COL5A1: variants seen among roughly 807,000 people sequenced by gnomAD.
The protein encoded by COL5A1 is collagen type V alpha 1 chain.
COL5A1 carries 16 observed loss-of-function variants against 263.7 expected under a neutral mutation model. The observed-to-expected ratio is 0.06, with a 90% CI of 0.04 to 0.09. COL5A1 has a LOEUF of 0.09. Ranked by LOEUF, COL5A1 falls within the 10% of genes least tolerant of loss-of-function variation. The pLI, the probability that COL5A1 is intolerant of heterozygous loss-of-function variation, is 1.00. For synonymous variants in COL5A1, 1,012 were observed against 1,004.5 expected (o/e 1.01, Z -0.14); for missense variants, 2,036 against 2,540.5 (o/e 0.80, Z 4.27).
intron 12 of COL5A1, 78 bp downstream of exon 12, chr9:134,750,694 T>C: frequency 6.3e-7 from 1 of 1,595,560 alleles, no homozygotes; most frequent in Admixed American, 1.7e-5. Context: ...GAGGCTGCGC[T>C]GTCACTGGAG....
Position 134,653,573 on chromosome 9 carries a change from C to T in COL5A1, c.109+11277C>T, listed in dbSNP as rs553748185. 2.2e-3 allele frequency: 329 copies of T among 152,772 alleles called. 1 individual carries two copies. Among genetic ancestry groups the T allele is most frequent in the Middle Eastern group, 3.3e-3 (1 of 300 alleles). The allele number at this position is 152,772 out of a possible 1,614,324, so 9.5% of individuals were successfully genotyped here. ...CCGTCTGTGCGTCTCCCAAGGGCGC[C>T]CCCCTCACCCAGACCTCCCCTCCAT... On this transcript the variant is annotated intron_variant, in intron 1 of 65. Coordinates refer to ENST00000371817, the MANE Select transcript of COL5A1 (RefSeq NM_000093.5).
Position 134,765,869 on chromosome 9 carries a change from A to T in COL5A1, c.2088+135A>T. 1 of 706,220 alleles carries T rather than the reference A, an allele frequency of 1.4e-6. No homozygotes were observed. The highest frequency in any genetic ancestry group is 1.8e-5 in the South Asian group (1 of 55,880). The allele number at this position is 706,220 out of a possible 1,614,324, so 43.7% of individuals were successfully genotyped here. A position where few individuals can be genotyped will look rare whatever the true frequency, so the allele number is the denominator to read the frequency against. On this transcript the variant is annotated intron_variant, in intron 21 of 65. Coordinates refer to ENST00000371817, the MANE Select transcript of COL5A1 (RefSeq NM_000093.5). The surrounding 1 kb of genome is among the most constrained non-coding windows in gnomAD (Gnocchi z 5.1). ...CTGGCGCCTGCCTGCTGCCAGTGTG[A>T]GGCGTGAGCGGGACACTGATGTTCA...
intron 1 of COL5A1, among the ~76,000 whole-genome samples, chr9:134,650,775 A>T (rs1291674622): frequency 1.3e-5 from 2 of 152,250 alleles, no homozygotes; most frequent in African/African-American, 4.8e-5. Context: ...GCTCTTGTTC[A>T]TATTTTCATA....
At position 134,824,807 on chromosome 9, in the gene COL5A1, G is replaced by A. The variant is rs113452150; in HGVS notation, c.4906G>A (p.Ala1636Thr). 2.2e-4 allele frequency: 349 copies of A among 1,613,914 alleles called. 1 individual carries two copies. The African/African-American group carries it at 3.0e-3, about 14-fold the overall frequency. The part of the protein sequence containing the change: ...KRPLGTQQNP[A>T]RTCKDLQLCH... Reference sequence around the variant, plus strand: ...GCCCCTGGGCACGCAGCAGAACCCCGCCCGCACCTGCAAGGACCTGCAGCT... The same window carrying A: ...GCCCCTGGGCACGCAGCAGAACCCCACCCGCACCTGCAAGGACCTGCAGCT... Residue 1636 changes from alanine (A) to threonine (T), a missense_variant, in exon 62 of 66, where the codon GCC (alanine) becomes ACC (threonine). Physicochemically the swap from Ala to Thr is moderately conservative, Grantham distance 58 (BLOSUM62 0). Transcript: ENST00000371817.
At chr9:134,777,505 G>A (rs1354684775) in intron 27 of COL5A1, among the ~76,000 whole-genome samples, 1 of 152,232 alleles carries the variant, frequency 6.6e-6, no homozygotes, top group Non-Finnish European at 1.5e-5. Flanking sequence ...TGCTGGTTCT[G>A]TCTAGTTGGT....
chr9:134,712,117 C>G (rs573807223), intron 4 of COL5A1, among the ~76,000 whole-genome samples: 77 of 96,780 alleles, frequency 8.0e-4, no homozygotes, highest in African/African-American at 3.1e-3. Flanking sequence ...TTCCTTCCTT[C>G]CCCCTCCTTC....
chr9:134,654,025 A>G (rs1333814853), intron 1 of COL5A1, among the ~76,000 whole-genome samples: 45 of 36,190 alleles, frequency 1.2e-3, no homozygotes, highest in African/African-American at 1.7e-3. Flanking sequence ...GTAGGGCTGG[A>G]GTTGTGTAGA....
intron 1 of COL5A1, among the ~76,000 whole-genome samples, chr9:134,670,762 C>A (rs1832516213): frequency 6.6e-6 from 1 of 152,228 alleles, no homozygotes; most frequent in Non-Finnish European, 1.5e-5. Flanking sequence ...CAGACATTCA[C>A]TAGATGCTCA....
rs3124298 is a variant in COL5A1, at chr9:134,727,124, G to A, written c.655-142G>A. The A allele has an allele frequency of 0.44, 362,639 of 828,370 alleles. 85,058 individuals carry two copies. The highest frequency in any genetic ancestry group is 0.65 in the Admixed American group (34,431 of 53,004). 51.3% of individuals were successfully genotyped at this position (828,370 alleles called of 1,614,324 possible). A position where few individuals can be genotyped will look rare whatever the true frequency, so the allele number is the denominator to read the frequency against. ...TCTTTTGTGAGTGGCAGCTTCTAGG[G>A]AGAATGTTTGGCTCTGAGGACAAGC... On this transcript the variant is annotated intron_variant, in intron 4 of 65. Coordinates refer to ENST00000371817, the MANE Select transcript of COL5A1 (RefSeq NM_000093.5).
At chr9:134,735,341 T>C (rs999835062) in intron 9 of COL5A1, among the ~76,000 whole-genome samples, 2 of 152,166 alleles carry the variant, frequency 1.3e-5, no homozygotes, top group Non-Finnish European at 2.9e-5. Context: ...TTTTCTTCTT[T>C]ATGGTAAAAG....
At chr9:134,750,364 G>A (rs1198581440) in intron 11 of COL5A1, among the ~76,000 whole-genome samples, 178 bp from the exon 12 acceptor site, 1 of 152,174 alleles carries the variant, frequency 6.6e-6, no homozygotes, top group Non-Finnish European at 1.5e-5. Context: ...CCACAGCCGT[G>A]CCCCTCCCTT....
At chr9:134,734,877 GT>G (rs1016154965) in intron 9 of COL5A1, among the ~76,000 whole-genome samples, 1 of 152,212 alleles carries the variant, frequency 6.6e-6, no homozygotes, top group African/African-American at 2.4e-5. Context: ...ATTGTCTTGA[GT>G]TCTGCCAGGT....
chr9:134,645,287 G>T (rs1831440269), intron 1 of COL5A1, among the ~76,000 whole-genome samples: 1 of 152,236 alleles, frequency 6.6e-6, no homozygotes, highest in African/African-American at 2.4e-5. Flanking sequence ...AACACAGCTG[G>T]TGCTGCCCGT....
intron 1 of COL5A1, among the ~76,000 whole-genome samples, chr9:134,674,623 C>T (rs548363474): frequency 5.3e-5 from 8 of 152,282 alleles, no homozygotes; most frequent in African/African-American, 9.6e-5. Context: ...CGATGACTCA[C>T]GCCTGTAATC....
rs201854798 is a variant in COL5A1, at chr9:134,772,759, T to C, written c.2287-31T>C. 3.7e-6 allele frequency: 6 copies of C among 1,613,534 alleles called. No homozygotes were observed. The South Asian group carries it at 5.5e-5, about 15-fold the overall frequency. On this transcript the variant is annotated intron_variant, in intron 25 of 65. Coordinates refer to ENST00000371817, the MANE Select transcript of COL5A1 (RefSeq NM_000093.5). ...GGGAGGCTGCTTTCTGGAGTGGCAC[T>C]GACTAATCAATGCTTCTTCTTTTGT... is the stretch of plus-strand genomic sequence containing the variant.
In COL5A1 at chr9:134,724,898, C is replaced by T. The variant is rs964063928; in HGVS notation, c.655-2368C>T. Among the ~76,000 whole-genome samples, 8 of 152,022 alleles carry T rather than the reference C, an allele frequency of 5.3e-5. No individual in the cohort carries two copies. The East Asian group carries it at 7.7e-4, about 15-fold the overall frequency. ...GAACCAGGCTCGGGTGAACCAGGCT[C>T]GGGTGAACCAGGCTCGGATGAACCG... On this transcript the variant is annotated intron_variant, in intron 4 of 65. Transcript: ENST00000371817.
At chr9:134,805,238 C>T (rs1319122075) in intron 41 of COL5A1, 24 bp downstream of exon 41, 2 of 1,613,298 alleles carry the variant, frequency 1.2e-6, no homozygotes, top group African/African-American at 1.3e-5. Flanking sequence ...TTTGTCCCAT[C>T]CTCTTTCTTG....
At position 134,681,149 on chromosome 9, in the gene COL5A1, C is replaced by T. The variant is rs1832843839; in HGVS notation, c.110-9763C>T. On this transcript the variant is annotated intron_variant, in intron 1 of 65. Coordinates refer to ENST00000371817, the MANE Select transcript of COL5A1 (RefSeq NM_000093.5). This position sits in a 1 kb window ranked among gnomAD's most constrained non-coding sequence, Gnocchi z 4.3. ...TGGGTTGACCTCACTGATGAGGCCGCCTGCCTTGCAGGGAGGGCTGGGGTG... is the reference window on the plus strand; with the variant it reads ...TGGGTTGACCTCACTGATGAGGCCGTCTGCCTTGCAGGGAGGGCTGGGGTG... Among the ~76,000 whole-genome samples the T allele has an allele frequency of 6.6e-6, 1 of 152,210 alleles. No individual in the cohort carries two copies. The highest frequency in any genetic ancestry group is 1.5e-5 in the Non-Finnish European group (1 of 68,042).
chr9:134,748,231 CCA>C (rs931710871), intron 11 of COL5A1, among the ~76,000 whole-genome samples: 7 of 148,104 alleles, frequency 4.7e-5, no homozygotes, highest in South Asian at 2.2e-4. Context: ...ATATGCACAC[CCA>C]CACACATGCA....
Sources: gnomAD v4.1 joint callset for allele counts (sites outside exome capture counted in the v4.1 genomes callset) on GRCh38, gnomAD v4.1.1 for gene constraint, Gnocchi (gnomAD v3.1) non-coding constraint, MANE v1.5 for transcripts, NCBI Gene and HGNC (gene_info 2026-07-23, HGNC 2026-07-21) for gene names.